Variants in SND1 observed in about 807,000 individuals in gnomAD.
The protein encoded by SND1 is staphylococcal nuclease and tudor domain containing 1, also known as staphylococcal nuclease domain-containing protein 1.
In SND1, 38 loss-of-function variants were observed where a neutral mutation model predicts 121.7. The observed-to-expected ratio is 0.31, with a 90% CI of 0.24 to 0.41. The LOEUF (loss-of-function observed/expected upper bound fraction) is 0.41. SND1 is among the 10% of genes least tolerant of loss of function. The probability of loss-of-function intolerance (pLI) is 1.00; values close to 1 mark genes in which losing one functional copy is unlikely to be tolerated. For synonymous variants in SND1, 401 were observed against 447.4 expected (o/e 0.90, Z 1.31); for missense variants, 868 against 1,184.6 (o/e 0.73, Z 3.92).
chr7:127,659,822 C>T (rs1282056394), intron 1 of SND1, among the ~76,000 whole-genome samples: 1 of 152,148 alleles, frequency 6.6e-6, no homozygotes, highest in African/African-American at 2.4e-5. Context: ...CTCCTTTTCT[C>T]TAACATGAGG....
intron 15 of SND1, among the ~76,000 whole-genome samples, chr7:127,934,789 G>A (rs897296735): frequency 3.3e-5 from 5 of 152,144 alleles, no homozygotes; most frequent in African/African-American, 7.2e-5. Flanking sequence ...AGGAGCCTAC[G>A]CAAGTATTCA....
chr7:127,934,736 C>T (rs1323758404), intron 15 of SND1, among the ~76,000 whole-genome samples: 3 of 152,032 alleles, frequency 2.0e-5, no homozygotes, highest in African/African-American at 4.8e-5. Flanking sequence ...ATAGGTTGTT[C>T]GTTTGGTTTT....
chr7:128,032,566 G>T (rs973660105), intron 16 of SND1, among the ~76,000 whole-genome samples: 2 of 151,912 alleles, frequency 1.3e-5, no homozygotes, highest in Admixed American at 1.3e-4. Context: ...GGGCCCCCTG[G>T]CTCTGAAGAG....
chr7:127,956,869 T>C (rs1040793411), intron 15 of SND1, among the ~76,000 whole-genome samples: 41 of 152,214 alleles, frequency 2.7e-4, no homozygotes. Context: ...TTTACTTGCT[T>C]CTTTTACTAT....
intron 15 of SND1, among the ~76,000 whole-genome samples, chr7:127,945,671 C>T (rs1003072292): frequency 6.6e-6 from 1 of 152,126 alleles, no homozygotes; most frequent in Non-Finnish European, 1.5e-5. Context: ...GGTCACAGAG[C>T]CTCGCCAGGC....
At chr7:127,665,813 A>T (rs1351974637) in intron 1 of SND1, among the ~76,000 whole-genome samples, 1 of 152,196 alleles carries the variant, frequency 6.6e-6, no homozygotes, top group Non-Finnish European at 1.5e-5. Context: ...ATTAAAAAAA[A>T]TTTTGGTAAT....
chr7:127,741,884 T>C (rs542558778), intron 10 of SND1, among the ~76,000 whole-genome samples: 1 of 152,290 alleles, frequency 6.6e-6, no homozygotes, highest in Admixed American at 6.5e-5. Context: ...GTTTCCTTGT[T>C]ATTAAATCTA....
At chr7:127,667,179 A>G (rs1250892025) in intron 1 of SND1, among the ~76,000 whole-genome samples, 1 of 152,154 alleles carries the variant, frequency 6.6e-6, no homozygotes, top group Non-Finnish European at 1.5e-5. Context: ...AAATCTGAGT[A>G]AGTATATTAG....
At chr7:127,723,328 C>G (rs1455712025) in intron 10 of SND1, among the ~76,000 whole-genome samples, 1 of 152,182 alleles carries the variant, frequency 6.6e-6, no homozygotes, top group African/African-American at 2.4e-5. Flanking sequence ...AGGCAGAATC[C>G]TGATTATAGA....
At chr7:128,067,185 C>G (rs1428301921) in intron 16 of SND1, among the ~76,000 whole-genome samples, 1 of 152,118 alleles carries the variant, frequency 6.6e-6, no homozygotes, top group Non-Finnish European at 1.5e-5. Context: ...CTCTCATTTC[C>G]CAGATGGAGA....
chr7:127,786,496 TG>T (rs1797815016), intron 10 of SND1, among the ~76,000 whole-genome samples: 1 of 152,208 alleles, frequency 6.6e-6, no homozygotes, highest in South Asian at 2.1e-4. Context: ...GATCAGGATT[TG>T]GGGTAACAGC....
intron 14 of SND1, among the ~76,000 whole-genome samples, chr7:127,905,715 A>G (rs1800321524): frequency 6.6e-6 from 1 of 152,156 alleles, no homozygotes; most frequent in Admixed American, 6.5e-5. Context: ...CATACCATCC[A>G]TTTCAACACC....
chr7:127,802,400 G>A (rs1247220237), intron 10 of SND1, among the ~76,000 whole-genome samples: 1 of 152,130 alleles, frequency 6.6e-6, no homozygotes, highest in Non-Finnish European at 1.5e-5. Flanking sequence ...CCAAAAGTAT[G>A]CTCATCAAAC....
intron 16 of SND1, among the ~76,000 whole-genome samples, chr7:128,018,518 G>A (rs1473418752): frequency 1.3e-5 from 2 of 152,190 alleles, no homozygotes; most frequent in African/African-American, 4.8e-5. Context: ...GAGGTTTGGG[G>A]GGAAATGAAT....
intron 11 of SND1, among the ~76,000 whole-genome samples, chr7:127,814,378 A>G (rs1327156863): frequency 6.6e-6 from 1 of 152,160 alleles, no homozygotes; most frequent in Non-Finnish European, 1.5e-5. Context: ...CTGAATTGCA[A>G]ATCTTCCAAC....
intron 10 of SND1, among the ~76,000 whole-genome samples, chr7:127,774,737 C>T (rs1449667369): frequency 6.6e-6 from 1 of 152,084 alleles, no homozygotes; most frequent in Non-Finnish European, 1.5e-5. Flanking sequence ...TGCCACCATG[C>T]CCGGCTAATT....
chr7:127,886,362 G>A (rs369560336), intron 12 of SND1, among the ~76,000 whole-genome samples: 19 of 150,978 alleles, frequency 1.3e-4, no homozygotes, highest in African/African-American at 2.4e-4. Flanking sequence ...CTTAAATTGC[G>A]TAAACATGCA....
At chr7:127,756,195 T>C (rs565888680) in intron 10 of SND1, among the ~76,000 whole-genome samples, 1 of 152,272 alleles carries the variant, frequency 6.6e-6, no homozygotes, top group African/African-American at 2.4e-5. Flanking sequence ...TGGTTGTCAG[T>C]TGGGAGAGTG....
intron 15 of SND1, among the ~76,000 whole-genome samples, 165 bp from the exon 16 acceptor site, chr7:127,990,782 A>T (rs1802505032): frequency 6.6e-6 from 1 of 152,002 alleles, no homozygotes. Flanking sequence ...AGAGAACTAA[A>T]CCCCTCCTCC....
Sources: gnomAD v4.1 joint callset for allele counts (sites outside exome capture counted in the v4.1 genomes callset) on GRCh38, gnomAD v4.1.1 for gene constraint, MANE v1.5 for transcripts, NCBI Gene and HGNC (gene_info 2026-07-23, HGNC 2026-07-21) for gene names.